GRID2: variants seen among roughly 807,000 people sequenced by gnomAD.
The protein encoded by GRID2 is glutamate receptor ionotropic, delta-2.
In GRID2, 33 loss-of-function variants were observed where a neutral mutation model predicts 114.8. That is an observed-to-expected ratio of 0.29 (90% confidence interval 0.22 to 0.38). GRID2 has a LOEUF of 0.38. Ranked by LOEUF, GRID2 falls within the 10% of genes least tolerant of loss-of-function variation. The probability of loss-of-function intolerance (pLI) is 1.00; values close to 1 mark genes in which losing one functional copy is unlikely to be tolerated. For synonymous variants in GRID2, 505 were observed against 449.9 expected (o/e 1.12, Z -1.55); for missense variants, 1,184 against 1,257.7 (o/e 0.94, Z 0.89).
chr4:93,319,124 C>T (rs1032705171), intron 8 of GRID2, among the ~76,000 whole-genome samples: 3 of 151,998 alleles, frequency 2.0e-5, no homozygotes, highest in African/African-American at 7.2e-5. Flanking sequence ...TTACAGCACA[C>T]TACTTAGTAT....
intron 8 of GRID2, among the ~76,000 whole-genome samples, chr4:93,274,845 T>C (rs2149575246): frequency 6.6e-6 from 1 of 152,164 alleles, no homozygotes; most frequent in Admixed American, 6.6e-5. Context: ...GTTTCTTATT[T>C]GCTGAAAAAT....
chr4:93,148,980 A>T (rs1018694929), intron 4 of GRID2, among the ~76,000 whole-genome samples: 2 of 152,180 alleles, frequency 1.3e-5, no homozygotes, highest in Non-Finnish European at 1.5e-5. Context: ...GCTTAGGCAA[A>T]TGGCATCATG....
chr4:93,401,030 G>A (rs1032382801), intron 9 of GRID2, among the ~76,000 whole-genome samples: 3 of 151,832 alleles, frequency 2.0e-5, no homozygotes, highest in Non-Finnish European at 4.4e-5. Flanking sequence ...ACAGGGGCTC[G>A]CTATGTTGCC....
At chr4:93,382,133 TCCC>T (rs1763910988) in intron 8 of GRID2, among the ~76,000 whole-genome samples, 1 of 152,130 alleles carries the variant, frequency 6.6e-6, no homozygotes, top group African/African-American at 2.4e-5. Context: ...TTATCAAAAA[TCCC>T]TTGTATGTGA....
intron 2 of GRID2, among the ~76,000 whole-genome samples, chr4:93,034,105 T>C (rs1377486339): frequency 6.6e-6 from 1 of 152,194 alleles, no homozygotes; most frequent in Non-Finnish European, 1.5e-5. Context: ...GGGTTGATGT[T>C]ATATGAGTGA....
chr4:93,328,024 C>A (rs540514973), intron 8 of GRID2, among the ~76,000 whole-genome samples: 1 of 151,900 alleles, frequency 6.6e-6, no homozygotes, highest in Non-Finnish European at 1.5e-5. Flanking sequence ...TCCTTTAAAA[C>A]GTGTCCTGGC....
chr4:92,687,971 A>ATGCTGTG (rs139709333), intron 2 of GRID2, among the ~76,000 whole-genome samples: 9,501 of 142,892 alleles, frequency 0.066, 386 homozygotes, highest in East Asian at 0.098. Context: ...AAGGTTGGGG[A>ATGCTGTG]TGCTGTGGCC....
At chr4:93,672,244 A>G (rs1248349644) in intron 14 of GRID2, among the ~76,000 whole-genome samples, 1 of 152,172 alleles carries the variant, frequency 6.6e-6, no homozygotes, top group Non-Finnish European at 1.5e-5. Context: ...GGGCCAATGG[A>G]TCACTTGTCC....
intron 1 of GRID2, among the ~76,000 whole-genome samples, chr4:92,462,399 C>T (rs952187221): frequency 2.0e-5 from 3 of 152,022 alleles, no homozygotes; most frequent in Admixed American, 6.6e-5. Flanking sequence ...TTTGCTATCA[C>T]TTAAACATAT....
intron 1 of GRID2, among the ~76,000 whole-genome samples, chr4:92,586,900 T>C (rs1432754715): frequency 6.6e-6 from 1 of 152,028 alleles, no homozygotes; most frequent in Admixed American, 6.6e-5. Context: ...TGCATGTCAG[T>C]ATGTTTGTAT....
intron 1 of GRID2, among the ~76,000 whole-genome samples, chr4:92,515,121 C>T (rs2122524): frequency 0.22 from 32,484 of 150,878 alleles, 4,205 homozygotes; most frequent in Non-Finnish European, 0.28. Flanking sequence ...TTTATATTGA[C>T]GTGATGACTT....
At chr4:93,083,676 A>G (rs1426428820) in intron 2 of GRID2, among the ~76,000 whole-genome samples, 2 of 146,890 alleles carry the variant, frequency 1.4e-5, no homozygotes, top group African/African-American at 2.6e-5. Flanking sequence ...AGTCTGGGCA[A>G]CAGAGGGAGA....
intron 2 of GRID2, among the ~76,000 whole-genome samples, chr4:92,714,889 G>A (rs1458334093): frequency 6.6e-6 from 1 of 152,146 alleles, no homozygotes; most frequent in Non-Finnish European, 1.5e-5. Flanking sequence ...TGCTGCAAAG[G>A]TCTCTGACAT....
intron 13 of GRID2, among the ~76,000 whole-genome samples, chr4:93,618,891 G>A (rs953628973): frequency 3.9e-5 from 6 of 152,208 alleles, no homozygotes; most frequent in South Asian, 2.1e-4. Context: ...GCAGCGGAGG[G>A]TAAAGAAGCT....
intron 2 of GRID2, among the ~76,000 whole-genome samples, chr4:92,834,526 T>C (rs1322685692): frequency 6.6e-6 from 1 of 152,150 alleles, no homozygotes; most frequent in Non-Finnish European, 1.5e-5. Context: ...AATCAGGCAG[T>C]ATGCAAACGT....
At chr4:92,461,388 T>G (rs1260133855) in intron 1 of GRID2, among the ~76,000 whole-genome samples, 2 of 151,978 alleles carry the variant, frequency 1.3e-5, no homozygotes, top group South Asian at 4.1e-4. Flanking sequence ...TTGTTTTGCT[T>G]AAGTCACAGT....
At chr4:92,916,763 T>C (rs1347800365) in intron 2 of GRID2, among the ~76,000 whole-genome samples, 1 of 152,190 alleles carries the variant, frequency 6.6e-6, no homozygotes, top group African/African-American at 2.4e-5. Flanking sequence ...TCTATCATTG[T>C]TGGACATTTG....
intron 14 of GRID2, among the ~76,000 whole-genome samples, chr4:93,724,904 C>T (rs977864746): frequency 6.6e-6 from 1 of 152,084 alleles, no homozygotes; most frequent in African/African-American, 2.4e-5. Context: ...CTCAGCCTCC[C>T]GAGTAGCTGG....
At chr4:92,502,446 A>G (rs1008501147) in intron 1 of GRID2, among the ~76,000 whole-genome samples, 1 of 152,098 alleles carries the variant, frequency 6.6e-6, no homozygotes, top group Non-Finnish European at 1.5e-5. Context: ...TTAAGAGTTT[A>G]TTTTGATGTT....
Sources: gnomAD v4.1 joint callset for allele counts (sites outside exome capture counted in the v4.1 genomes callset) on GRCh38, gnomAD v4.1.1 for gene constraint, MANE v1.5 for transcripts, NCBI Gene and HGNC (gene_info 2026-07-23, HGNC 2026-07-21) for gene names.